RSPO2: variants seen among roughly 807,000 people sequenced by gnomAD.
RSPO2 encodes R-spondin 2.
In RSPO2, 14 loss-of-function variants were observed where a neutral mutation model predicts 30.9. The observed-to-expected ratio is 0.45, with a 90% CI of 0.30 to 0.71. The LOEUF (loss-of-function observed/expected upper bound fraction) is 0.71, where lower values mean the gene tolerates loss of function less well. Ranked by LOEUF, RSPO2 falls within the 30% of genes least tolerant of loss-of-function variation. The pLI is 0.08. For missense variants in RSPO2, 264 were observed against 301.9 expected (o/e 0.87, Z 0.93); for synonymous variants, 107 against 96.4 (o/e 1.11, Z -0.64).
chr8:107,939,391 G>C (rs1254254023), intron 5 of RSPO2, among the ~76,000 whole-genome samples: 1 of 151,194 alleles, frequency 6.6e-6, no homozygotes, highest in Non-Finnish European at 1.5e-5. Flanking sequence ...AAAAAATATA[G>C]AAAAGTTACT....
intron 2 of RSPO2, among the ~76,000 whole-genome samples, chr8:108,028,672 T>C (rs1363791620): frequency 6.6e-6 from 1 of 152,208 alleles, no homozygotes; most frequent in Non-Finnish European, 1.5e-5. Context: ...AGTCCTGTGG[T>C]TGTCTACACT....
At chr8:108,020,050 G>A (rs944520199) in intron 2 of RSPO2, among the ~76,000 whole-genome samples, 3 of 149,158 alleles carry the variant, frequency 2.0e-5, no homozygotes, top group African/African-American at 7.4e-5. Flanking sequence ...GTGTATGCCA[G>A]TTGATCTATT....
chr8:107,926,681 G>A (rs1227636164), intron 5 of RSPO2, among the ~76,000 whole-genome samples: 1 of 152,062 alleles, frequency 6.6e-6, no homozygotes, highest in East Asian at 1.9e-4. Context: ...GTTTTTCTCA[G>A]GTTTGTCAAA....
At chr8:107,955,818 T>C (rs1813414927) in intron 5 of RSPO2, among the ~76,000 whole-genome samples, 1 of 152,180 alleles carries the variant, frequency 6.6e-6, no homozygotes, top group South Asian at 2.1e-4. Flanking sequence ...GCTGCGTTTG[T>C]GTGCAATCAG....
In RSPO2 at chr8:108,058,026, G is replaced by A. The variant is rs1264485573; in HGVS notation, c.94+24519C>T. Among the ~76,000 whole-genome samples the A allele has an allele frequency of 2.6e-5, 4 of 152,216 alleles. No homozygotes were observed. In the East Asian group the frequency reaches 5.8e-4, roughly 22 times the overall value. Reference sequence around the variant, plus strand: ...TCCAACACTATGTTGAATAGGAGTGGTGAGAGAGGGCATCCCTGTCTTGTG... The same window carrying A: ...TCCAACACTATGTTGAATAGGAGTGATGAGAGAGGGCATCCCTGTCTTGTG... On this transcript the variant is annotated intron_variant, in intron 2 of 5. Transcript: ENST00000276659.
intron 2 of RSPO2, among the ~76,000 whole-genome samples, chr8:108,049,923 T>C (rs1017811319): frequency 6.6e-6 from 1 of 152,176 alleles, no homozygotes; most frequent in Non-Finnish European, 1.5e-5. Flanking sequence ...ACACATTCTA[T>C]AGAGTTACAT....
At chr8:107,977,455 A>C (rs921604238) in intron 3 of RSPO2, among the ~76,000 whole-genome samples, 1 of 152,198 alleles carries the variant, frequency 6.6e-6, no homozygotes, top group Non-Finnish European at 1.5e-5. Flanking sequence ...CTTCATTCTA[A>C]TATGAAGAGG....
At chr8:107,971,006 G>C (rs539491537) in intron 3 of RSPO2, among the ~76,000 whole-genome samples, 284 of 152,346 alleles carry the variant, frequency 1.9e-3, no homozygotes, top group Non-Finnish European at 3.4e-3. Flanking sequence ...CATGTTACCT[G>C]CTTTGTAAAT....
At position 107,996,433 on chromosome 8, in the gene RSPO2, T is replaced by G. The variant is rs1348843581; in HGVS notation, c.95-7189A>C. 2.6e-5 allele frequency among the ~76,000 whole-genome samples: 4 copies of G among 152,190 alleles called. No individual in the cohort carries two copies. The South Asian group carries it at 8.3e-4, about 31-fold the overall frequency. ...CACTACAAAGCCCTCTGAAACATAC[T>G]GACGAACTTCTGCTCTAGAATTTAT... On this transcript the variant is annotated intron_variant, in intron 2 of 5. Transcript: ENST00000276659.
chr8:108,016,159 C>A (rs1209366324), intron 2 of RSPO2, among the ~76,000 whole-genome samples: 1 of 152,140 alleles, frequency 6.6e-6, no homozygotes, highest in African/African-American at 2.4e-5. Flanking sequence ...TAGTCAACTG[C>A]AAAGCAGAAT....
intron 5 of RSPO2, among the ~76,000 whole-genome samples, chr8:107,955,270 A>T (rs1813385057): frequency 6.6e-6 from 1 of 152,050 alleles, no homozygotes. Context: ...GACCTCAGAG[A>T]TCACCTATCC....
chr8:107,977,702 A>C (rs1185941430), intron 3 of RSPO2, among the ~76,000 whole-genome samples: 1 of 152,106 alleles, frequency 6.6e-6, no homozygotes, highest in African/African-American at 2.4e-5. Flanking sequence ...TTTTCCCAAT[A>C]TATGGCCCTC....
intron 5 of RSPO2, among the ~76,000 whole-genome samples, chr8:107,944,350 C>T (rs1014364673): frequency 1.3e-5 from 2 of 152,128 alleles, no homozygotes; most frequent in Admixed American, 1.3e-4. Flanking sequence ...CCACCTTATA[C>T]TATATTTAAG....
chr8:107,952,691 A>ACT (rs747090969), intron 5 of RSPO2, among the ~76,000 whole-genome samples: 1 of 152,156 alleles, frequency 6.6e-6, no homozygotes, highest in Non-Finnish European at 1.5e-5. Flanking sequence ...AAATATGCTT[A>ACT]TTTCCTGCTC....
chr8:107,927,636 C>G (rs905105299), intron 5 of RSPO2, among the ~76,000 whole-genome samples: 4 of 152,194 alleles, frequency 2.6e-5, no homozygotes, highest in African/African-American at 4.8e-5. Context: ...AAGGCCTTTT[C>G]TGCATCTATT....
chr8:108,078,438 TTTTCA>T (rs1403454545), intron 2 of RSPO2, among the ~76,000 whole-genome samples: 1 of 152,210 alleles, frequency 6.6e-6, no homozygotes, highest in Non-Finnish European at 1.5e-5. Flanking sequence ...TTTTGAAACT[TTTTCA>T]TTTAACTGTA....
At chr8:108,079,785 A>C (rs1813134565) in intron 2 of RSPO2, among the ~76,000 whole-genome samples, 1 of 152,102 alleles carries the variant, frequency 6.6e-6, no homozygotes, top group South Asian at 2.1e-4. Flanking sequence ...AAGCCAAGAA[A>C]ATAACTAATC....
At chr8:108,051,391 A>G (rs1056246931) in intron 2 of RSPO2, among the ~76,000 whole-genome samples, 4 of 152,178 alleles carry the variant, frequency 2.6e-5, no homozygotes. Context: ...CAGCAGGGGG[A>G]AAAAACGGCT....
chr8:107,904,356 T>C (rs1811571367), intron 5 of RSPO2, among the ~76,000 whole-genome samples: 1 of 121,272 alleles, frequency 8.2e-6, no homozygotes, highest in South Asian at 2.8e-4. Context: ...CCAGGATCAT[T>C]AGAAAAAAAA....
Sources: allele counts gnomAD v4.1 joint callset (sites outside exome capture counted in the v4.1 genomes callset), GRCh38; gene constraint gnomAD v4.1.1; transcripts MANE v1.5; gene names NCBI Gene and HGNC (gene_info 2026-07-23, HGNC 2026-07-21).